CWC27: variants seen among roughly 807,000 people sequenced by gnomAD.
CWC27 encodes the protein spliceosome-associated protein CWC27 homolog.
CWC27 carries 47 observed loss-of-function variants against 63.6 expected under a neutral mutation model. The ratio of observed to expected loss-of-function variants is 0.74; its 90% CI spans 0.58 to 0.94. The LOEUF (loss-of-function observed/expected upper bound fraction) is 0.94, where lower values mean the gene tolerates loss of function less well. Among genes scored for constraint, CWC27 ranks in the 40% least tolerant of loss-of-function variants. CWC27 has a pLI of 0.00. For synonymous variants in CWC27, 175 were observed against 179.8 expected (o/e 0.97, Z 0.22); for missense variants, 495 against 554.3 (o/e 0.89, Z 1.07).
chr5:64,940,786 T>G (rs905477478), intron 11 of CWC27, among the ~76,000 whole-genome samples: 1 of 151,822 alleles, frequency 6.6e-6, no homozygotes, highest in African/African-American at 2.4e-5. Context: ...TTATTTTATT[T>G]CATTTTTACT....
intron 11 of CWC27, among the ~76,000 whole-genome samples, chr5:64,947,510 A>C (rs1748612708): frequency 6.6e-6 from 1 of 152,134 alleles, no homozygotes; most frequent in African/African-American, 2.4e-5. Flanking sequence ...GCTTCTGTAT[A>C]AGATCTTTAT....
chr5:64,847,491 A>G (rs1490091930), intron 10 of CWC27, among the ~76,000 whole-genome samples: 1 of 152,184 alleles, frequency 6.6e-6, no homozygotes, highest in South Asian at 2.1e-4. Flanking sequence ...AATCCAGAAA[A>G]TTAATAAGGA....
At chr5:64,884,677 C>T (rs1747024305) in intron 10 of CWC27, among the ~76,000 whole-genome samples, 1 of 152,132 alleles carries the variant, frequency 6.6e-6, no homozygotes, top group African/African-American at 2.4e-5. Flanking sequence ...TATGCACAGT[C>T]TTGACCAGTT....
chr5:64,804,484 A>C (rs138755572), intron 10 of CWC27, 98 bp downstream of exon 10: 1 of 1,207,416 alleles, frequency 8.3e-7, no homozygotes, highest in African/African-American at 1.5e-5. Context: ...TTAAAATACT[A>C]TTTTCATAAT....
intron 10 of CWC27, among the ~76,000 whole-genome samples, chr5:64,841,480 T>C (rs1006878059): frequency 2.0e-5 from 3 of 152,188 alleles, no homozygotes; most frequent in African/African-American, 7.2e-5. Context: ...CCTCTCTCAG[T>C]GAATATACCC....
Position 64,893,961 on chromosome 5 carries a change from G to A in CWC27, c.1042+8415G>A, listed in dbSNP as rs184023774. On this transcript the variant is annotated intron_variant, in intron 11 of 13. Transcript: ENST00000381070. ...TTTTTTTTTTCCTAGATGGAATCTC[G>A]CCCTGTTGCTGAGGCTTGAGTGCAG... 3.8e-3 allele frequency among the ~76,000 whole-genome samples: 534 copies of A among 141,596 alleles called. 1 individual carries two copies. The highest frequency in any genetic ancestry group is 0.016 in the South Asian group (71 of 4,530). The allele number at this position is 141,596 out of a possible 152,430, so 92.9% of individuals were successfully genotyped here. A position where few individuals can be genotyped will look rare whatever the true frequency, so the allele number is the denominator to read the frequency against.
intron 7 of CWC27, among the ~76,000 whole-genome samples, chr5:64,795,083 G>A (rs563241202): frequency 1.2e-4 from 18 of 152,182 alleles, no homozygotes; most frequent in East Asian, 3.9e-4. Flanking sequence ...TTGGTAGACC[G>A]TTTCGCCACT....
intron 11 of CWC27, among the ~76,000 whole-genome samples, chr5:64,952,588 T>C (rs1444324439): frequency 6.6e-6 from 1 of 152,014 alleles, no homozygotes; most frequent in Non-Finnish European, 1.5e-5. Flanking sequence ...TATGGAATCT[T>C]TCATCCCGTC....
At chr5:64,817,949 T>C (rs1305874655) in intron 10 of CWC27, among the ~76,000 whole-genome samples, 3 of 152,194 alleles carry the variant, frequency 2.0e-5, no homozygotes, top group Non-Finnish European at 2.9e-5. Flanking sequence ...TTTTGTGTAC[T>C]CACATTTCTT....
At chr5:64,921,711 G>A (rs1211512173) in intron 11 of CWC27, among the ~76,000 whole-genome samples, 1 of 152,108 alleles carries the variant, frequency 6.6e-6, no homozygotes, top group African/African-American at 2.4e-5. Flanking sequence ...GTTGTTACCT[G>A]TGTGTTATGT....
At chr5:64,929,336 G>A (rs1054806809) in intron 11 of CWC27, among the ~76,000 whole-genome samples, 2 of 152,028 alleles carry the variant, frequency 1.3e-5, no homozygotes, top group Non-Finnish European at 2.9e-5. Context: ...TGATTCCCAA[G>A]ACCAGACCAC....
chr5:64,922,118 G>T (rs911730598), intron 11 of CWC27, among the ~76,000 whole-genome samples: 1 of 152,112 alleles, frequency 6.6e-6, no homozygotes, highest in African/African-American at 2.4e-5. Flanking sequence ...TCTCATGACT[G>T]TGTCTTACAT....
chr5:64,839,178 A>C (rs988779338), intron 10 of CWC27, among the ~76,000 whole-genome samples: 1 of 152,156 alleles, frequency 6.6e-6, no homozygotes. Context: ...GAGGGCTTTA[A>C]ATGTGTGAGG....
intron 9 of CWC27, among the ~76,000 whole-genome samples, chr5:64,803,986 G>T (rs725128): frequency 0.3 from 45,669 of 151,860 alleles, 7,876 homozygotes; most frequent in East Asian, 0.48. Context: ...AGCTGGGCAT[G>T]AGTTGAGCGA....
intron 10 of CWC27, among the ~76,000 whole-genome samples, chr5:64,837,618 T>C (rs1745690692): frequency 1.3e-5 from 2 of 151,914 alleles, no homozygotes; most frequent in Non-Finnish European, 2.9e-5. Flanking sequence ...TTAGCAAGAA[T>C]ATGAAGCAAG....
chr5:64,840,388 A>T (rs1281452727), intron 10 of CWC27, among the ~76,000 whole-genome samples: 770 of 44,860 alleles, frequency 0.017, 32 homozygotes, highest in Non-Finnish European at 0.023. Context: ...AAAAAAAAAA[A>T]AAAAAAATAT....
chr5:64,985,452 C>T (rs888896729), intron 13 of CWC27, among the ~76,000 whole-genome samples: 1 of 152,146 alleles, frequency 6.6e-6, no homozygotes, highest in African/African-American at 2.4e-5. Flanking sequence ...TTTGTTTCAT[C>T]AGCATTTTAT....
In CWC27 at chr5:64,783,670, T is replaced by C. The variant is rs114471225; in HGVS notation, c.253-166T>C. 2.3e-3 allele frequency among the ~76,000 whole-genome samples: 346 copies of C among 152,360 alleles called. 3 individuals carry two copies. The highest frequency in any genetic ancestry group is 8.0e-3 in the African/African-American group (331 of 41,596). On this transcript the variant is annotated intron_variant, in intron 3 of 13. Transcript: ENST00000381070. Reference sequence around the variant, plus strand: ...TATTTAGAAGATACAGTCTAGTGAATTCAAGTTTAATAACATTGAAAGAAT... The same window carrying C: ...TATTTAGAAGATACAGTCTAGTGAACTCAAGTTTAATAACATTGAAAGAAT...
chr5:65,015,624 T>C (rs1277393787), intron 13 of CWC27, among the ~76,000 whole-genome samples: 1 of 152,206 alleles, frequency 6.6e-6, no homozygotes, highest in Non-Finnish European at 1.5e-5. Context: ...TCAGTGGTAA[T>C]ATTACAATTT....
Sources: allele counts gnomAD v4.1 joint callset (sites outside exome capture counted in the v4.1 genomes callset), GRCh38; gene constraint gnomAD v4.1.1; transcripts MANE v1.5; gene names NCBI Gene and HGNC (gene_info 2026-07-23, HGNC 2026-07-21).